ADAP1: variants seen among roughly 807,000 people sequenced by gnomAD.
The protein encoded by ADAP1 is ArfGAP with dual PH domains 1, also known as arf-GAP with dual PH domain-containing protein 1.
In ADAP1, 31 loss-of-function variants were observed where a neutral mutation model predicts 54.9. That is an observed-to-expected ratio of 0.56 (90% CI 0.42 to 0.76). The LOEUF is 0.76. ADAP1 is among the 30% of genes least tolerant of loss of function. ADAP1 has a pLI of 0.00. For synonymous variants in ADAP1, 313 were observed against 202.6 expected (o/e 1.55, Z -4.63); for missense variants, 535 against 512.4 (o/e 1.04, Z -0.42).
intron 4 of ADAP1, among the ~76,000 whole-genome samples, chr7:918,197 C>A (rs769416072): frequency 7.9e-5 from 12 of 152,156 alleles, no homozygotes; most frequent in South Asian, 2.1e-4. Context: ...GCTGGAACCA[C>A]CGGCGTGAGC....
At chr7:919,549 G>C (rs1287724180) in intron 4 of ADAP1, among the ~76,000 whole-genome samples, 1 of 139,888 alleles carries the variant, frequency 7.1e-6, no homozygotes, top group Non-Finnish European at 1.5e-5. Context: ...AGAGAGAGAG[G>C]GAGAGACAGA....
chr7:927,174 G>A, intron 2 of ADAP1: 1 of 1,300,094 alleles, frequency 7.7e-7, no homozygotes, highest in Non-Finnish European at 1.0e-6. Flanking sequence ...CACACTGCAG[G>A]GACCCAGAAC....
chr7:916,888 C>T (rs2128103403), intron 4 of ADAP1, among the ~76,000 whole-genome samples: 1 of 152,182 alleles, frequency 6.6e-6, no homozygotes, highest in African/African-American at 2.4e-5. Context: ...TCACCCCACG[C>T]CGCTCCTGGG....
chr7:928,072 T>G (rs1267450645), intron 2 of ADAP1, among the ~76,000 whole-genome samples: 1 of 140,482 alleles, frequency 7.1e-6, no homozygotes, highest in Non-Finnish European at 1.5e-5. Flanking sequence ...AAAAAAAAAT[T>G]AGCCAGGTGT....
intron 4 of ADAP1, among the ~76,000 whole-genome samples, chr7:918,573 C>T (rs187895785): frequency 1.1e-4 from 16 of 152,306 alleles, no homozygotes; most frequent in Non-Finnish European, 1.5e-4. Context: ...GCTGGGGTTG[C>T]AGGTCCGGGC....
chr7:904,826 G>A (rs1043004563), intron 5 of ADAP1, among the ~76,000 whole-genome samples: 1 of 152,224 alleles, frequency 6.6e-6, no homozygotes, highest in East Asian at 1.9e-4. Context: ...AGTTCAGGGG[G>A]CCCCGCCCGG....
intron 4 of ADAP1, among the ~76,000 whole-genome samples, chr7:911,856 G>A (rs1845737108): frequency 1.3e-5 from 2 of 152,102 alleles, no homozygotes; most frequent in Non-Finnish European, 2.9e-5. Context: ...CCAGAGAGGG[G>A]CAATGGGGCA....
chr7:954,426 TC>T lies in ADAP1; in HGVS notation c.51del (p.Asn18ThrfsTer25), dbSNP rs1232946230. 17 of 1,138,400 alleles carry T rather than the reference TC, an allele frequency of 1.5e-5. No individual in the cohort carries two copies. Among genetic ancestry groups the T allele is most frequent in the South Asian group, 9.8e-5 (5 of 50,880 alleles). 70.5% of individuals were successfully genotyped at this position (1,138,400 alleles called of 1,614,324 possible). On this transcript the variant is annotated frameshift_variant, in exon 1 of 11. Coordinates refer to ENST00000265846, the MANE Select transcript of ADAP1 (RefSeq NM_006869.4). LOFTEE classifies it high-confidence loss of function. ...RAVLELLQRPGNARCADCGAP... is the reference protein window; with the variant it reads ...RAVLELLQRPXNARCADCGAP... ...GCGCCGCAGTCCGCGCAGCGCGCGTTCCCCGGCCGCTGCAGCAGCTCCAGGA... is the reference window on the plus strand; with the variant it reads ...GCGCCGCAGTCCGCGCAGCGCGCGTTCCCGGCCGCTGCAGCAGCTCCAGGA...
At chr7:931,465 G>A (rs1485451704) in intron 2 of ADAP1, among the ~76,000 whole-genome samples, 1 of 152,144 alleles carries the variant, frequency 6.6e-6, no homozygotes, top group Non-Finnish European at 1.5e-5. Flanking sequence ...CGCGGGAAAG[G>A]AGTCGGACGC....
intron 1 of ADAP1, among the ~76,000 whole-genome samples, chr7:937,036 C>T (rs1371650008): frequency 2.0e-5 from 3 of 150,730 alleles, no homozygotes; most frequent in Non-Finnish European, 4.4e-5. Flanking sequence ...GCGTGAGAAC[C>T]AGCAGGCTGA....
intron 4 of ADAP1, among the ~76,000 whole-genome samples, chr7:917,464 C>CCT (rs950299616): frequency 6.6e-6 from 1 of 152,118 alleles, no homozygotes; most frequent in African/African-American, 2.4e-5. Context: ...TTCAGGGCCG[C>CCT]CTCTCTTTCA....
At chr7:899,991 C>T in intron 8 of ADAP1, 111 bp downstream of exon 8, 3 of 1,317,204 alleles carry the variant, frequency 2.3e-6, no homozygotes, top group Non-Finnish European at 3.2e-6. Context: ...GAGGACCCAC[C>T]AGACACCAGT....
chr7:954,659 C>A lies in ADAP1; in HGVS notation c.-182G>T. 1 of 982,574 alleles carries A rather than the reference C, an allele frequency of 1.0e-6. No individual in the cohort carries two copies. Among genetic ancestry groups the A allele is most frequent in the South Asian group, 4.6e-5 (1 of 21,660 alleles). 60.9% of individuals were successfully genotyped at this position (982,574 alleles called of 1,614,324 possible). A position where few individuals can be genotyped will look rare whatever the true frequency, so the allele number is the denominator to read the frequency against. ...GGCTCCGCCGCCGCCGCTCGTGTCT[C>A]CGCCGCGGTCGCTGAGCGAGTGCCG... On this transcript the variant is annotated 5_prime_UTR_variant, in exon 1 of 11. Transcript: ENST00000265846.
At position 898,302 on chromosome 7, in the gene ADAP1, G is replaced by A. The variant is rs1043424856; in HGVS notation, c.*619C>T. On this transcript the variant is annotated 3_prime_UTR_variant, in exon 11 of 11. Coordinates refer to ENST00000265846, the MANE Select transcript of ADAP1 (RefSeq NM_006869.4). ...GCACCGTGCTGGGCGCAGAGGCCAC[G>A]TGTGGTGGGACGGCAGCCTGCTGGC... is the stretch of plus-strand genomic sequence containing the variant. The A allele has an allele frequency of 3.7e-5, 6 of 163,400 alleles. No individual in the cohort carries two copies. The highest frequency in any genetic ancestry group is 3.1e-3 in the Middle Eastern group (1 of 322). 10.1% of individuals were successfully genotyped at this position (163,400 alleles called of 1,614,324 possible). A position where few individuals can be genotyped will look rare whatever the true frequency, so the allele number is the denominator to read the frequency against.
chr7:902,177 G>A (rs557976220), intron 6 of ADAP1, among the ~76,000 whole-genome samples: 2 of 150,848 alleles, frequency 1.3e-5, no homozygotes, highest in Admixed American at 6.6e-5. Flanking sequence ...CAAAAATTGC[G>A]GCTGGGCGCA....
intron 4 of ADAP1, among the ~76,000 whole-genome samples, chr7:906,735 GACA>G (rs1845444373): frequency 3.4e-5 from 1 of 29,544 alleles, no homozygotes; most frequent in Non-Finnish European, 6.9e-5. Flanking sequence ...GGACATGGGG[GACA>G]GAGTACATAG....
intron 1 of ADAP1, among the ~76,000 whole-genome samples, chr7:952,298 G>A (rs776485716): frequency 7.0e-4 from 106 of 152,260 alleles, no homozygotes; most frequent in Non-Finnish European, 1.1e-3. Context: ...CACCCCAGCA[G>A]CCCCAGGCCT....
In ADAP1 at chr7:898,703, G is replaced by C. The variant is rs1366633999; in HGVS notation, c.*218C>G. On this transcript the variant is annotated 3_prime_UTR_variant, in exon 11 of 11. Transcript: ENST00000265846. ...GGCTGGGTGTGGTCAGCAGCAGCAT[G>C]ACGGGGTTAGAGATCAGGCCCAGGG... 8.0e-6 allele frequency: 5 copies of C among 621,598 alleles called. No individual in the cohort carries two copies. Among genetic ancestry groups the C allele is most frequent in the African/African-American group, 1.8e-5 (1 of 54,138 alleles). 38.5% of individuals were successfully genotyped at this position (621,598 alleles called of 1,614,324 possible). A position where few individuals can be genotyped will look rare whatever the true frequency, so the allele number is the denominator to read the frequency against.
rs374479992 is a variant in ADAP1, at chr7:912,214, G to A, written c.389-7042C>T. Among the ~76,000 whole-genome samples, 33 of 152,308 alleles carry A rather than the reference G, an allele frequency of 2.2e-4. No individual in the cohort carries two copies. In the East Asian group the frequency reaches 3.3e-3, roughly 15 times the overall value. ...ACCACAGAAGCTCCGACAGGAGCAC[G>A]GGGTCCGGAGCCTAGAGCAGGAAGC... is the stretch of plus-strand genomic sequence containing the variant. On this transcript the variant is annotated intron_variant, in intron 4 of 10. Transcript: ENST00000265846.
Sources: gnomAD v4.1 joint callset for allele counts (sites outside exome capture counted in the v4.1 genomes callset) on GRCh38, gnomAD v4.1.1 for gene constraint, MANE v1.5 for transcripts, NCBI Gene and HGNC (gene_info 2026-07-23, HGNC 2026-07-21) for gene names.